Variants in FAM135A observed in about 807,000 individuals in gnomAD.
FAM135A encodes the protein protein FAM135A.
FAM135A carries 79 observed loss-of-function variants against 146.8 expected under a neutral mutation model. The observed-to-expected ratio is 0.54, with a 90% CI of 0.45 to 0.65. FAM135A has a LOEUF of 0.65. FAM135A is among the 30% of genes least tolerant of loss of function. The pLI is 0.00. For synonymous variants in FAM135A, 562 were observed against 603.6 expected, an observed-to-expected ratio of 0.93 and a Z score of 1.01; for missense variants, 1,623 against 1,758.2, an observed-to-expected ratio of 0.92 and a Z score of 1.38.
At chr6:70,450,279 CTTAT>C (rs1351419991) in intron 4 of FAM135A, among the ~76,000 whole-genome samples, 2 of 151,918 alleles carry the variant, frequency 1.3e-5, no homozygotes, top group African/African-American at 4.8e-5. Context: ...TTGGCGTAAT[CTTAT>C]TTGTCTATGT....
intron 2 of FAM135A, among the ~76,000 whole-genome samples, chr6:70,419,454 T>C (rs902600559): frequency 3.3e-5 from 5 of 152,210 alleles, no homozygotes; most frequent in African/African-American, 1.2e-4. Flanking sequence ...TTTGGGCTTC[T>C]TGCTTATTCC....
chr6:70,548,621 G>A (rs147497022), intron 20 of FAM135A, among the ~76,000 whole-genome samples: 1 of 152,286 alleles, frequency 6.6e-6, no homozygotes, highest in East Asian at 1.9e-4. Context: ...CAGAATCTCT[G>A]TAAAGAGCTA....
intron 5 of FAM135A, among the ~76,000 whole-genome samples, chr6:70,471,841 C>T (rs35457911): frequency 0.13 from 20,509 of 152,016 alleles, 1,870 homozygotes; most frequent in Middle Eastern, 0.22. Context: ...AGAGCAAGAA[C>T]GCTTAAAAAG....
chr6:70,445,102 T>C (rs10440813), intron 4 of FAM135A, among the ~76,000 whole-genome samples: 3,827 of 152,256 alleles, frequency 0.025, 167 homozygotes, highest in African/African-American at 0.088. Flanking sequence ...TGGTGCTAAT[T>C]GTGGGAATAC....
At position 70,475,440 on chromosome 6, in the gene FAM135A, A is replaced by G; in HGVS notation, c.188A>G (p.His63Arg). Residue 63 changes from histidine to arginine, a missense_variant, in exon 6 of 22, where the codon CAT becomes CGT. Coordinates refer to ENST00000418814, the MANE Select transcript of FAM135A (RefSeq NM_001162529.3). ...GMTLAFPASV[H>R]DSLICSKTFQ... Reference sequence around the variant, plus strand: ...ACTTTAGCCTTTCCAGCCTCAGTTCATGATTCTCTAATTTGCAGTAAAACA... The same window carrying G: ...ACTTTAGCCTTTCCAGCCTCAGTTCGTGATTCTCTAATTTGCAGTAAAACA... The G allele has an allele frequency of 2.5e-6, 4 of 1,599,858 alleles. No individual in the cohort carries two copies. The highest frequency in any genetic ancestry group is 2.6e-6 in the Non-Finnish European group (3 of 1,173,958).
chr6:70,560,587 T>G lies in FAM135A; in HGVS notation c.*666T>G, dbSNP rs1330675366. The G allele has an allele frequency of 1.3e-5, 2 of 152,600 alleles. No individual in the cohort carries two copies. Among genetic ancestry groups the G allele is most frequent in the Non-Finnish European group, 1.5e-5 (1 of 67,992 alleles). The allele number at this position is 152,600 out of a possible 1,614,324, so 9.5% of individuals were successfully genotyped here. On this transcript the variant is annotated 3_prime_UTR_variant, in exon 22 of 22. Coordinates refer to ENST00000418814, the MANE Select transcript of FAM135A (RefSeq NM_001162529.3). ...TATTTCTCATACTGACTTTTATTACTGGAAATGTTCCTGTACATGTTGGCA... is the reference window on the plus strand; with the variant it reads ...TATTTCTCATACTGACTTTTATTACGGGAAATGTTCCTGTACATGTTGGCA...
At chr6:70,475,796 T>G in intron 7 of FAM135A, 63 bp downstream of exon 7, 1 of 1,294,390 alleles carries the variant, frequency 7.7e-7, no homozygotes, top group Middle Eastern at 2.1e-4. Flanking sequence ...TATTATTAGA[T>G]TGCCCATTTT....
intron 20 of FAM135A, among the ~76,000 whole-genome samples, chr6:70,542,413 A>G (rs1298655943): frequency 6.6e-6 from 1 of 151,850 alleles, no homozygotes; most frequent in Non-Finnish European, 1.5e-5. Flanking sequence ...GTGTTTACCC[A>G]TCTTTTCAGA....
At chr6:70,472,440 G>T (rs938493539) in intron 5 of FAM135A, among the ~76,000 whole-genome samples, 1 of 152,156 alleles carries the variant, frequency 6.6e-6, no homozygotes, top group Non-Finnish European at 1.5e-5. Context: ...CCATGTAAGA[G>T]TAATTTGCCA....
intron 12 of FAM135A, among the ~76,000 whole-genome samples, chr6:70,521,926 T>C (rs1177041257): frequency 6.6e-6 from 1 of 152,112 alleles, no homozygotes; most frequent in Non-Finnish European, 1.5e-5. Flanking sequence ...TTTTGTTTTG[T>C]TTTTTTGAGA....
intron 15 of FAM135A, among the ~76,000 whole-genome samples, chr6:70,528,071 T>C (rs1795081444): frequency 6.6e-6 from 1 of 152,224 alleles, no homozygotes; most frequent in African/African-American, 2.4e-5. Flanking sequence ...TTTCAAGTGA[T>C]TTCAGGTTTA....
intron 11 of FAM135A, among the ~76,000 whole-genome samples, chr6:70,496,168 G>C (rs546626037): frequency 1.7e-4 from 26 of 152,234 alleles, no homozygotes; most frequent in African/African-American, 6.3e-4. Flanking sequence ...TGGAATTGCT[G>C]GGTCAAGTGG....
chr6:70,417,735 T>C (rs913338042), intron 2 of FAM135A: 2 of 482,792 alleles, frequency 4.1e-6, no homozygotes, highest in East Asian at 1.5e-4. Flanking sequence ...TTGGAAATAC[T>C]GCTATCTATA....
At chr6:70,541,219 G>C (rs1031554307) in intron 20 of FAM135A, among the ~76,000 whole-genome samples, 5 of 151,928 alleles carry the variant, frequency 3.3e-5, no homozygotes, top group African/African-American at 1.2e-4. Flanking sequence ...AAATATTTCT[G>C]TTGATCTCTT....
chr6:70,492,522 A>G (rs1194818353), intron 11 of FAM135A, among the ~76,000 whole-genome samples: 1 of 151,908 alleles, frequency 6.6e-6, no homozygotes, highest in Non-Finnish European at 1.5e-5. Context: ...ATTTCTTTGT[A>G]ACAAAATATA....
intron 4 of FAM135A, among the ~76,000 whole-genome samples, chr6:70,449,509 C>T (rs940665611): frequency 1.2e-4 from 19 of 152,172 alleles, no homozygotes; most frequent in Admixed American, 1.2e-3. Flanking sequence ...CATTATTTGT[C>T]TTTCTGTGCC....
chr6:70,457,816 CTG>C (rs981367610), intron 5 of FAM135A, among the ~76,000 whole-genome samples: 3 of 152,016 alleles, frequency 2.0e-5, no homozygotes, highest in East Asian at 1.9e-4. Flanking sequence ...ACATGACAAA[CTG>C]TGTCAGAAAT....
intron 12 of FAM135A, among the ~76,000 whole-genome samples, chr6:70,508,564 C>A (rs1325353926): frequency 1.3e-5 from 2 of 152,116 alleles, no homozygotes; most frequent in African/African-American, 4.8e-5. Flanking sequence ...GATCAGAGAG[C>A]CAGATTTTGT....
At chr6:70,460,412 CTG>C (rs1444152356) in intron 5 of FAM135A, among the ~76,000 whole-genome samples, 1 of 152,182 alleles carries the variant, frequency 6.6e-6, no homozygotes, top group Admixed American at 6.5e-5. Flanking sequence ...CTTCCAAACT[CTG>C]TTGGAATTAT....
Sources: allele counts gnomAD v4.1 joint callset (sites outside exome capture counted in the v4.1 genomes callset), GRCh38; gene constraint gnomAD v4.1.1; transcripts MANE v1.5; gene names NCBI Gene and HGNC (gene_info 2026-07-23, HGNC 2026-07-21).